Variants in SNX29 observed in about 807,000 individuals in gnomAD.
SNX29 encodes the protein sorting nexin 29.
A neutral mutation model predicts 102.1 loss-of-function variants in SNX29; 78 were observed. That is an observed-to-expected ratio of 0.76 (90% CI 0.64 to 0.92). The LOEUF is 0.92. Ranked by LOEUF, SNX29 falls within the 40% of genes least tolerant of loss-of-function variation. The probability of loss-of-function intolerance (pLI) is 0.00; values close to 1 mark genes in which losing one functional copy is unlikely to be tolerated. For missense variants in SNX29, 1,280 were observed against 1,061.7 expected (o/e 1.21, Z -2.86); for synonymous variants, 580 against 414.5 (o/e 1.40, Z -4.85).
At chr16:12,348,309 T>C (rs2081883690) in intron 15 of SNX29, among the ~76,000 whole-genome samples, 4 of 152,096 alleles carry the variant, frequency 2.6e-5, no homozygotes, top group Non-Finnish European at 5.9e-5. Context: ...GCAGAAACCA[T>C]TTTGGAGAAG....
At chr16:12,564,416 G>A (rs1165166496) in intron 20 of SNX29, among the ~76,000 whole-genome samples, 1 of 152,096 alleles carries the variant, frequency 6.6e-6, no homozygotes, top group Non-Finnish European at 1.5e-5. Flanking sequence ...ATGTATGATT[G>A]GCACTATTAT....
chr16:12,524,639 T>C, intron 19 of SNX29, 63 bp from the exon 20 acceptor site: 1 of 1,568,300 alleles, frequency 6.4e-7, no homozygotes, highest in Non-Finnish European at 8.7e-7. Flanking sequence ...GCCTGTTCTA[T>C]AGGGTCATTT....
At chr16:12,301,925 C>T (rs536389969) in intron 15 of SNX29, among the ~76,000 whole-genome samples, 90 of 152,288 alleles carry the variant, frequency 5.9e-4, no homozygotes, top group Non-Finnish European at 5.7e-4. Context: ...CCTAACATTG[C>T]GGCTGCTGGT....
At chr16:12,338,827 GA>G (rs1321368445) in intron 15 of SNX29, among the ~76,000 whole-genome samples, 1 of 152,200 alleles carries the variant, frequency 6.6e-6, no homozygotes, top group African/African-American at 2.4e-5. Flanking sequence ...GGCGCTTGTG[GA>G]ATATTTATTG....
At chr16:12,417,625 C>T (rs575163810) in intron 18 of SNX29, among the ~76,000 whole-genome samples, 2 of 152,076 alleles carry the variant, frequency 1.3e-5, no homozygotes, top group East Asian at 1.9e-4. Context: ...TTTCCCTGTT[C>T]CTTGTCATTC....
At chr16:12,239,121 G>C (rs1398723623) in intron 14 of SNX29, among the ~76,000 whole-genome samples, 1 of 152,192 alleles carries the variant, frequency 6.6e-6, no homozygotes, top group Non-Finnish European at 1.5e-5. Flanking sequence ...TAGTCTTTTA[G>C]CTTGGCACAT....
chr16:12,400,332 C>T (rs1167738420), intron 17 of SNX29, among the ~76,000 whole-genome samples: 3 of 152,228 alleles, frequency 2.0e-5, no homozygotes, highest in Non-Finnish European at 4.4e-5. Context: ...TATTATTTTA[C>T]CCACTTAAAC....
chr16:12,282,367 A>C (rs1331300292), intron 15 of SNX29, among the ~76,000 whole-genome samples: 2 of 152,192 alleles, frequency 1.3e-5, no homozygotes, highest in Admixed American at 6.5e-5. Context: ...CTGGAGAAGA[A>C]AGGGGAAAAG....
intron 18 of SNX29, among the ~76,000 whole-genome samples, chr16:12,437,307 G>C (rs570520879): frequency 8.7e-4 from 131 of 150,890 alleles, no homozygotes; most frequent in African/African-American, 3.1e-3. Flanking sequence ...TCCTGGCAAG[G>C]TGTCACACAC....
intron 11 of SNX29, among the ~76,000 whole-genome samples, chr16:12,103,419 C>G (rs1287666628): frequency 2.0e-5 from 3 of 152,070 alleles, no homozygotes; most frequent in East Asian, 3.9e-4. Flanking sequence ...CTTTGACAAA[C>G]CTGACAAAAT....
intron 8 of SNX29, among the ~76,000 whole-genome samples, chr16:12,056,399 G>C (rs555708581): frequency 6.6e-6 from 1 of 152,318 alleles, no homozygotes; most frequent in African/African-American, 2.4e-5. Context: ...GCATTAAGAG[G>C]GATCTTGACT....
intron 15 of SNX29, among the ~76,000 whole-genome samples, chr16:12,331,030 A>G (rs768931251): frequency 6.6e-6 from 1 of 152,190 alleles, no homozygotes; most frequent in South Asian, 2.1e-4. Flanking sequence ...GGGCCTCTGT[A>G]GCCAACTACA....
At chr16:12,300,273 AC>A (rs1432162980) in intron 15 of SNX29, among the ~76,000 whole-genome samples, 1 of 152,198 alleles carries the variant, frequency 6.6e-6, no homozygotes, top group East Asian at 1.9e-4. Flanking sequence ...AATGAAAAGA[AC>A]CCTTTTTTGC....
At chr16:12,559,081 C>CG (rs1454708273) in intron 20 of SNX29, among the ~76,000 whole-genome samples, 1 of 152,126 alleles carries the variant, frequency 6.6e-6, no homozygotes, top group East Asian at 1.9e-4. Context: ...GCTGTGTCCC[C>CG]GTGCTCCTTA....
At chr16:12,100,134 A>C (rs1030107899) in intron 11 of SNX29, among the ~76,000 whole-genome samples, 1 of 152,168 alleles carries the variant, frequency 6.6e-6, no homozygotes, top group African/African-American at 2.4e-5. Context: ...TGTGAGCCCA[A>C]TACCTTCTGG....
intron 18 of SNX29, 37 bp downstream of exon 18, chr16:12,403,566 G>C: frequency 1.3e-6 from 2 of 1,559,212 alleles, no homozygotes; most frequent in Non-Finnish European, 1.7e-6. Context: ...TCACAGCTGG[G>C]TGGAAAAACG....
At chr16:12,112,898 A>G (rs1439670250) in intron 11 of SNX29, among the ~76,000 whole-genome samples, 1 of 152,176 alleles carries the variant, frequency 6.6e-6, no homozygotes, top group Non-Finnish European at 1.5e-5. Flanking sequence ...CCTGTATTCC[A>G]CATGTTAAGA....
At chr16:12,157,118 G>A (rs184735031) in intron 13 of SNX29, among the ~76,000 whole-genome samples, 3 of 152,268 alleles carry the variant, frequency 2.0e-5, no homozygotes, top group East Asian at 1.9e-4. Context: ...GTGGGCAGCC[G>A]GAGAGTCCCC....
At chr16:12,019,268 C>T (rs1419882379) in intron 3 of SNX29, among the ~76,000 whole-genome samples, 19 of 152,200 alleles carry the variant, frequency 1.2e-4, no homozygotes, top group Non-Finnish European at 2.8e-4. Context: ...AGTGCAGTGG[C>T]ACTATCTCGG....
Sources: allele counts gnomAD v4.1 joint callset (sites outside exome capture counted in the v4.1 genomes callset), GRCh38; gene constraint gnomAD v4.1.1; transcripts MANE v1.5; gene names NCBI Gene and HGNC (gene_info 2026-07-23, HGNC 2026-07-21).